CEP170B: variants seen among roughly 807,000 people sequenced by gnomAD.
The protein encoded by CEP170B is centrosomal protein 170B.
In CEP170B, 55 loss-of-function variants were observed where a neutral mutation model predicts 120.6. The observed-to-expected ratio is 0.46, with a 90% CI of 0.37 to 0.57. CEP170B has a LOEUF of 0.57. CEP170B is among the 20% of genes least tolerant of loss of function. The pLI, the probability that CEP170B is intolerant of heterozygous loss-of-function variation, is 0.00. For missense variants in CEP170B, 2,212 were observed against 2,253.3 expected (o/e 0.98, Z 0.37); for synonymous variants, 1,033 against 954.5 (o/e 1.08, Z -1.52).
chr14:104,888,150 C>T (rs571210496), intron 12 of CEP170B, among the ~76,000 whole-genome samples, 172 bp downstream of exon 12: 115 of 152,360 alleles, frequency 7.5e-4, no homozygotes, highest in African/African-American at 1.7e-4. Flanking sequence ...CACACACACA[C>T]GTGCATGGGC....
At chr14:104,893,701 G>T (rs761265140) in intron 15 of CEP170B, 35 bp downstream of exon 15, 37 of 1,584,182 alleles carry the variant, frequency 2.3e-5, no homozygotes, top group African/African-American at 9.4e-5. Context: ...AGCTGGGTGT[G>T]GGGGGAGCAG....
At position 104,886,995 on chromosome 14, in the gene CEP170B, C is replaced by T. The variant is rs750128744; in HGVS notation, c.2756C>T (p.Thr919Met). 21 of 1,609,264 alleles carry T rather than the reference C, an allele frequency of 1.3e-5. No individual in the cohort carries two copies. The highest frequency in any genetic ancestry group is 1.7e-4 in the Middle Eastern group (1 of 6,060). ...CACCTGATCTTGAAGGAGACGGAGA[C>T]GGCCCTGGCGGCCCTGGAGGCCCGA... is the stretch of plus-strand genomic sequence containing the variant. The part of the protein sequence containing the change: ...DTHLILKETE[T>M]ALAALEARLL... Residue 919 changes from threonine to methionine, a missense_variant, in exon 12 of 19, where the codon ACG becomes ATG. Transcript: ENST00000414716.
At chr14:104,871,783 G>C (rs990349643) in intron 2 of CEP170B, among the ~76,000 whole-genome samples, 1 of 152,212 alleles carries the variant, frequency 6.6e-6, no homozygotes, top group African/African-American at 2.4e-5. Context: ...CTGGGGCTAC[G>C]GGGATGGGAC....
rs112603487 is a variant in CEP170B at position 104,893,529 on chromosome 14, C to G, written c.4045C>G (p.Gln1349Glu). The G allele has an allele frequency of 1.2e-6, 2 of 1,602,844 alleles. No individual in the cohort carries two copies. The highest frequency in any genetic ancestry group is 2.3e-5 in the South Asian group (2 of 88,570). ...STISAREELVQRIPEASLNFQ... is the reference protein window; with the variant it reads ...STISAREELVERIPEASLNFQ... The stretch of plus-strand genomic sequence containing the variant: ...CCGGCCCTCCCTCTTGCAGCTGGTG[C>G]AGCGCATCCCCGAGGCCAGCCTCAA... The change falls in exon 15 of 19, where the codon CAG (glutamine) becomes GAG (glutamate). Residue 1349 changes from glutamine to glutamate, a missense_variant. Gln to Glu is a conservative substitution (Grantham distance 29, BLOSUM62 2). Around this residue, in one of 2 missense-constraint regions of CEP170B, gnomAD observed 2,166 missense variants for 2,166.7 expected, o/e 1.00. Coordinates refer to ENST00000414716, the MANE Select transcript of CEP170B (RefSeq NM_001112726.3).
chr14:104,886,087 C>T lies in CEP170B; in HGVS notation c.1992C>T (p.Arg664=). The T allele has an allele frequency of 6.5e-7, 1 of 1,546,644 alleles. No homozygotes were observed. Among genetic ancestry groups the T allele is most frequent in the Non-Finnish European group, 8.7e-7 (1 of 1,145,686 alleles). Residue 664 remains arginine (R), a synonymous_variant, in exon 11 of 19, where the codon CGC becomes CGT. Transcript: ENST00000414716. The part of the protein sequence containing the change: ...GSPGGQKWVS[R]WASLADSYSD... ...CTGGGGGTCAGAAGTGGGTGTCCCG[C>T]TGGGCCAGCCTGGCTGACAGCTACT...
intron 12 of CEP170B, 177 bp from the exon 13 acceptor site, chr14:104,889,443 C>T: frequency 6.8e-7 from 1 of 1,466,128 alleles, no homozygotes; most frequent in Non-Finnish European, 9.1e-7. Context: ...CCAGAGGGAC[C>T]CTGGGACTGC....
Position 104,895,113 on chromosome 14 carries a change from C to A in CEP170B, c.*155C>A. The stretch of plus-strand genomic sequence containing the variant: ...GGTGCCTCCCACGCCCTTGCCCCCT[C>A]GTCAGCTCCCAGCCAGCACCCTACT... On this transcript the variant is annotated 3_prime_UTR_variant, in exon 19 of 19. Coordinates refer to ENST00000414716, the MANE Select transcript of CEP170B (RefSeq NM_001112726.3). The A allele has an allele frequency of 1.2e-6, 1 of 815,100 alleles. No individual in the cohort carries two copies. The highest frequency in any genetic ancestry group is 1.8e-6 in the Non-Finnish European group (1 of 542,682). The allele number at this position is 815,100 out of a possible 1,614,324, so 50.5% of individuals were successfully genotyped here. A position where few individuals can be genotyped will look rare whatever the true frequency, so the allele number is the denominator to read the frequency against.
At chr14:104,877,154 T>A (rs916946298) in intron 3 of CEP170B, among the ~76,000 whole-genome samples, 2 of 152,156 alleles carry the variant, frequency 1.3e-5, no homozygotes, top group Non-Finnish European at 2.9e-5. Context: ...CTCAGGCTGC[T>A]GGGGTCTGTC....
chr14:104,892,971 T>A lies in CEP170B; in HGVS notation c.3879-5T>A. The A allele has an allele frequency of 1.3e-6, 2 of 1,560,084 alleles. No individual in the cohort carries two copies. The highest frequency in any genetic ancestry group is 1.7e-6 in the Non-Finnish European group (2 of 1,152,880). ...AGAACCTGCCGTCTTTCCTGCCGGCTGCAGGCTGAGCCAGACGCTGGTGAA... is the reference window on the plus strand; with the variant it reads ...AGAACCTGCCGTCTTTCCTGCCGGCAGCAGGCTGAGCCAGACGCTGGTGAA... On this transcript the variant is annotated splice_polypyrimidine_tract_variant and splice_region_variant and intron_variant, in intron 13 of 18. Coordinates refer to ENST00000414716, the MANE Select transcript of CEP170B (RefSeq NM_001112726.3).
At position 104,894,931 on chromosome 14, in the gene CEP170B, C is replaced by T; in HGVS notation, c.4638C>T (p.Leu1546=). Reference sequence around the variant, plus strand: ...CCAGCCTCCCGGACCCCACCTTCCTCCCTGATGCCGAGAGGTTCCTGATCT... The same window carrying T: ...CCAGCCTCCCGGACCCCACCTTCCTTCCTGATGCCGAGAGGTTCCTGATCT... ...GPPSLPDPTF[L]PDAERFLI is the part of the protein sequence containing the mutation. The change falls in exon 19 of 19, where the codon CTC becomes CTT. Residue 1546 remains leucine, a synonymous_variant. Transcript: ENST00000414716. 1.9e-6 allele frequency: 3 copies of T among 1,592,132 alleles called. No individual in the cohort carries two copies. Among genetic ancestry groups the T allele is most frequent in the African/African-American group, 1.3e-5 (1 of 74,658 alleles).
chr14:104,896,103 T>A lies in CEP170B; in HGVS notation c.*1145T>A, dbSNP rs1339272061. Reference sequence around the variant, plus strand: ...TGGTTGGTGGGGGTGGACGTGGGGGTGTCCCACCTGGACCAGACTGGCGTG... The same window carrying A: ...TGGTTGGTGGGGGTGGACGTGGGGGAGTCCCACCTGGACCAGACTGGCGTG... On this transcript the variant is annotated 3_prime_UTR_variant, in exon 19 of 19. Coordinates refer to ENST00000414716, the MANE Select transcript of CEP170B (RefSeq NM_001112726.3). The A allele has an allele frequency of 6.3e-6, 1 of 158,500 alleles. No individual in the cohort carries two copies. Among genetic ancestry groups the A allele is most frequent in the East Asian group, 1.9e-4 (1 of 5,394 alleles). 9.8% of individuals were successfully genotyped at this position (158,500 alleles called of 1,614,324 possible).
In CEP170B at chr14:104,884,288, C is replaced by T. The variant is rs1218484863; in HGVS notation, c.1509C>T (p.Phe503=). Residue 503 remains phenylalanine (F), a synonymous_variant, in exon 9 of 19, where the codon TTC becomes TTT. Coordinates refer to ENST00000414716, the MANE Select transcript of CEP170B (RefSeq NM_001112726.3). ...GCCGCTCCCGCCTGGCCCAGGACTT[C>T]ATGGCCCAGTGTCTGCGGGAGAGCT... ...VGRRSRLAQD[F]MAQCLRESSP... 6.5e-7 allele frequency: 1 copy of T among 1,544,716 alleles called. No homozygotes were observed. The highest frequency in any genetic ancestry group is 2.0e-5 in the Admixed American group (1 of 50,842).
In CEP170B at chr14:104,878,430, A is replaced by G. The variant is rs1346902279; in HGVS notation, c.275-13A>G. The G allele has an allele frequency of 3.7e-6, 6 of 1,612,264 alleles. No homozygotes were observed. In the Admixed American group the frequency reaches 1.0e-4, roughly 27 times the overall value. ...GGCTCTTCTGCTCTGTGTTCGCCTT[A>G]ACACGTGTCCACATTCCAACATGTA... is the stretch of plus-strand genomic sequence containing the variant. On this transcript the variant is annotated splice_polypyrimidine_tract_variant and intron_variant, in intron 4 of 18. Coordinates refer to ENST00000414716, the MANE Select transcript of CEP170B (RefSeq NM_001112726.3).
chr14:104,886,996 G>A lies in CEP170B; in HGVS notation c.2757G>A (p.Thr919=), dbSNP rs374200805. Residue 919 remains threonine, a synonymous_variant, in exon 12 of 19, where the codon ACG becomes ACA. Coordinates refer to ENST00000414716, the MANE Select transcript of CEP170B (RefSeq NM_001112726.3). ...DTHLILKETE[T]ALAALEARLL... ...ACCTGATCTTGAAGGAGACGGAGACGGCCCTGGCGGCCCTGGAGGCCCGAC... is the reference window on the plus strand; with the variant it reads ...ACCTGATCTTGAAGGAGACGGAGACAGCCCTGGCGGCCCTGGAGGCCCGAC... 82 of 1,609,244 alleles carry A rather than the reference G, an allele frequency of 5.1e-5. No homozygotes were observed. The highest frequency in any genetic ancestry group is 6.2e-5 in the Non-Finnish European group (73 of 1,179,676).
rs1159386012 is a variant in CEP170B at position 104,884,443 on chromosome 14, C to T, written c.1664C>T (p.Ala555Val). 2.6e-6 allele frequency: 4 copies of T among 1,552,724 alleles called. No individual in the cohort carries two copies. Among genetic ancestry groups the T allele is most frequent in the Non-Finnish European group, 3.5e-6 (4 of 1,148,368 alleles). The change falls in exon 9 of 19, where the codon GCA becomes GTA. Residue 555 changes from alanine to valine, a missense_variant. Coordinates refer to ENST00000414716, the MANE Select transcript of CEP170B (RefSeq NM_001112726.3). Reference sequence around the variant, plus strand: ...CCCACGGACCCCCAGCTGACCAAGGCACGGAAACAGGAGGAGGACGACAGC... The same window carrying T: ...CCCACGGACCCCCAGCTGACCAAGGTACGGAAACAGGAGGAGGACGACAGC... Reference protein sequence around the residue: ...PAPTDPQLTKARKQEEDDSLS... With the variant: ...PAPTDPQLTKVRKQEEDDSLS...
At chr14:104,890,478 ATGAATGAGTGGGTTGG>A (rs1896772834) in intron 13 of CEP170B, among the ~76,000 whole-genome samples, 1 of 124,482 alleles carries the variant, frequency 8.0e-6, no homozygotes, top group Admixed American at 7.9e-5. Context: ...GGATGGATGG[ATGAATGAGTGGGTTGG>A]TGGATGGATG....
chr14:104,885,325 G>A, intron 9 of CEP170B, 44 bp from the exon 10 acceptor site: 1 of 1,502,684 alleles, frequency 6.7e-7, no homozygotes, highest in Non-Finnish European at 8.9e-7. Flanking sequence ...TTGGGAGGTG[G>A]GCTTCTCTGA....
chr14:104,886,644 A>G lies in CEP170B; in HGVS notation c.2405A>G (p.Gln802Arg). Reference sequence around the variant, plus strand: ...CCCGCCTCTTTCTTCATTGGGGACCAGAATGGGGACGCTGTGTTATCTAGG... The same window carrying G: ...CCCGCCTCTTTCTTCATTGGGGACCGGAATGGGGACGCTGTGTTATCTAGG... ...PTPASFFIGDQNGDAVLSRKP... is the reference protein window; with the variant it reads ...PTPASFFIGDRNGDAVLSRKP... Residue 802 changes from glutamine (Q) to arginine (R), a missense_variant, in exon 12 of 19, where the codon CAG becomes CGG. By Grantham distance (43) the Gln-to-Arg change is conservative. Coordinates refer to ENST00000414716, the MANE Select transcript of CEP170B (RefSeq NM_001112726.3). The G allele has an allele frequency of 6.6e-7, 1 of 1,526,454 alleles. No individual in the cohort carries two copies. The highest frequency in any genetic ancestry group is 8.8e-7 in the Non-Finnish European group (1 of 1,139,570). 94.6% of individuals were successfully genotyped at this position (1,526,454 alleles called of 1,614,324 possible). A position where few individuals can be genotyped will look rare whatever the true frequency, so the allele number is the denominator to read the frequency against.
Position 104,886,546 on chromosome 14 carries a change from ACGCAGG to A in CEP170B, c.2308_2313del (p.Arg770_Arg771del), listed in dbSNP as rs2140714432. On this transcript the variant is annotated inframe_deletion, in exon 12 of 19. Coordinates refer to ENST00000414716, the MANE Select transcript of CEP170B (RefSeq NM_001112726.3). ...CAGGGGTGGAGCCACAGGACAGCAG[ACGCAGG>A]AGCCCCCAGGAGGGGCCCACGTGGA... is the stretch of plus-strand genomic sequence containing the variant. 2 of 1,506,968 alleles carry A rather than the reference ACGCAGG, an allele frequency of 1.3e-6. No individual in the cohort carries two copies. Among genetic ancestry groups the A allele is most frequent in the Non-Finnish European group, 1.8e-6 (2 of 1,131,412 alleles). 93.3% of individuals were successfully genotyped at this position (1,506,968 alleles called of 1,614,324 possible). A position where few individuals can be genotyped will look rare whatever the true frequency, so the allele number is the denominator to read the frequency against.
Sources: gnomAD v4.1 joint callset for allele counts (sites outside exome capture counted in the v4.1 genomes callset) on GRCh38, gnomAD v4.1.1 for gene constraint, gnomAD v4.1.1 regional missense constraint, MANE v1.5 for transcripts, NCBI Gene and HGNC (gene_info 2026-07-23, HGNC 2026-07-21) for gene names.